The following KCNK2 variants were observed in gnomAD, a reference collection of about 807,000 sequenced individuals.
KCNK2 encodes the protein potassium channel subfamily K member 2.
KCNK2 carries 21 observed loss-of-function variants against 40.5 expected under a neutral mutation model. The ratio of observed to expected loss-of-function variants is 0.52; its 90% confidence interval spans 0.37 to 0.75. The LOEUF (loss-of-function observed/expected upper bound fraction) is 0.75. KCNK2 is among the 30% of genes least tolerant of loss of function. The pLI is 0.00. For synonymous variants in KCNK2, 191 were observed against 202.2 expected, an observed-to-expected ratio of 0.94 and a Z score of 0.47; for missense variants, 399 against 531.6, an observed-to-expected ratio of 0.75 and a Z score of 2.45.
chr1:215,065,447 C>A (rs1187576841), intron 1 of KCNK2, among the ~76,000 whole-genome samples: 2 of 152,036 alleles, frequency 1.3e-5, no homozygotes, highest in Non-Finnish European at 1.5e-5. Flanking sequence ...GCATCAAATT[C>A]ATGAATTGAG....
At chr1:215,093,659 G>A (rs1659807296) in intron 2 of KCNK2, among the ~76,000 whole-genome samples, 4 of 76,256 alleles carry the variant, frequency 5.2e-5, no homozygotes, top group African/African-American at 9.3e-5. Flanking sequence ...TAGAATATAG[G>A]ATATATATAG....
intron 3 of KCNK2, among the ~76,000 whole-genome samples, chr1:215,149,315 T>G (rs1411243042): frequency 6.6e-6 from 1 of 152,154 alleles, no homozygotes; most frequent in Non-Finnish European, 1.5e-5. Flanking sequence ...CAATTTATGT[T>G]ATTTAAACAT....
intron 2 of KCNK2, among the ~76,000 whole-genome samples, chr1:215,117,389 T>C (rs1182787945): frequency 2.6e-5 from 4 of 152,134 alleles, no homozygotes; most frequent in African/African-American, 7.2e-5. Flanking sequence ...GGGTTTTCCT[T>C]TGATAAGTAT....
At chr1:215,170,897 A>G (rs1663683633) in intron 4 of KCNK2, among the ~76,000 whole-genome samples, 1 of 152,144 alleles carries the variant, frequency 6.6e-6, no homozygotes, top group African/African-American at 2.4e-5. Flanking sequence ...AAAAAGTTCC[A>G]TGCCCTTATG....
intron 2 of KCNK2, among the ~76,000 whole-genome samples, chr1:215,123,743 T>G (rs1461836900): frequency 6.6e-6 from 1 of 152,192 alleles, no homozygotes; most frequent in Non-Finnish European, 1.5e-5. Context: ...AATATGAAGA[T>G]TAAGTAGTAA....
intron 5 of KCNK2, among the ~76,000 whole-genome samples, chr1:215,173,449 T>C (rs1241727464): frequency 1.3e-5 from 2 of 152,218 alleles, no homozygotes; most frequent in African/African-American, 4.8e-5. Flanking sequence ...TGTGTCTTTA[T>C]AGCAGCATGA....
intron 6 of KCNK2, among the ~76,000 whole-genome samples, chr1:215,230,544 C>CAT (rs1666610986): frequency 1.8e-5 from 2 of 110,292 alleles, no homozygotes; most frequent in African/African-American, 8.5e-5. Context: ...TATATATATA[C>CAT]ACACACATAA....
intron 3 of KCNK2, among the ~76,000 whole-genome samples, chr1:215,167,036 A>G (rs554503746): frequency 1.3e-5 from 2 of 152,324 alleles, no homozygotes; most frequent in Admixed American, 6.5e-5. Context: ...TGAGTTGACT[A>G]GCAATGAACA....
At chr1:215,167,203 G>T (rs761317936) in intron 3 of KCNK2, among the ~76,000 whole-genome samples, 1 of 151,800 alleles carries the variant, frequency 6.6e-6, no homozygotes, top group Non-Finnish European at 1.5e-5. Context: ...AAATAACAAT[G>T]AAATAAATAC....
intron 3 of KCNK2, among the ~76,000 whole-genome samples, chr1:215,152,642 C>T (rs1662733676): frequency 1.3e-5 from 2 of 152,070 alleles, no homozygotes; most frequent in Admixed American, 1.3e-4. Context: ...TGGTGATTGG[C>T]AAGTGGTATT....
intron 2 of KCNK2, among the ~76,000 whole-genome samples, chr1:215,120,631 T>C (rs958302073): frequency 2.6e-5 from 4 of 152,180 alleles, no homozygotes; most frequent in African/African-American, 9.6e-5. Flanking sequence ...TTTCCATGTT[T>C]ATTAACTGTG....
chr1:215,107,424 A>G (rs917337346), intron 2 of KCNK2, among the ~76,000 whole-genome samples: 1 of 152,108 alleles, frequency 6.6e-6, no homozygotes, highest in East Asian at 1.9e-4. Context: ...AGGAACTTCC[A>G]TACTATTTTC....
upstream of KCNK2, among the ~76,000 whole-genome samples, chr1:215,077,898 T>G (rs1202451459): frequency 1.3e-5 from 2 of 152,204 alleles, no homozygotes; most frequent in Admixed American, 6.5e-5. Flanking sequence ...CTTCTTCTTA[T>G]GGCTTATCAG....
chr1:215,138,693 A>C (rs1043146287), intron 3 of KCNK2, among the ~76,000 whole-genome samples: 2 of 152,192 alleles, frequency 1.3e-5, no homozygotes, highest in African/African-American at 4.8e-5. Context: ...TCAAAAAAGA[A>C]AATTATGAGT....
chr1:215,086,596 G>A lies in KCNK2; in HGVS notation c.275G>A (p.Arg92Lys). ...GAGCAGCCTCATGAGATTTCACAGA[G>A]GACCACCATTGTGATCCAGAAGCAA... ...ALEQPHEISQRTTIVIQKQTF... is the reference protein window; with the variant it reads ...ALEQPHEISQKTTIVIQKQTF... Residue 92 changes from arginine to lysine, a missense_variant, in exon 2 of 7, where the codon AGG (arginine) becomes AAG (lysine). This residue lies in a region of KCNK2 where 279 missense variants were observed against 353.8 expected (regional missense o/e 0.79). Transcript: ENST00000444842. The A allele has an allele frequency of 6.2e-7, 1 of 1,614,148 alleles. No homozygotes were observed. Among genetic ancestry groups the A allele is most frequent in the East Asian group, 2.2e-5 (1 of 44,880 alleles).
chr1:215,166,824 C>T (rs1018367757), intron 3 of KCNK2, among the ~76,000 whole-genome samples: 2 of 151,908 alleles, frequency 1.3e-5, no homozygotes, highest in African/African-American at 4.8e-5. Flanking sequence ...AGGATATGAC[C>T]AGGAATTTTC....
At chr1:215,026,290 A>G (rs1363782183) in intron 1 of KCNK2, among the ~76,000 whole-genome samples, 4 of 152,132 alleles carry the variant, frequency 2.6e-5, no homozygotes, top group East Asian at 1.9e-4. Context: ...TGTTTCCTAC[A>G]TCTACCATTT....
chr1:215,152,827 T>C (rs1005077210), intron 3 of KCNK2, among the ~76,000 whole-genome samples: 46 of 150,796 alleles, frequency 3.1e-4, no homozygotes, highest in African/African-American at 1.1e-3. Context: ...ACCTCCCACA[T>C]GTTTAGTCAG....
chr1:215,126,131 TAA>T (rs1661426519), intron 3 of KCNK2, among the ~76,000 whole-genome samples: 1 of 152,146 alleles, frequency 6.6e-6, no homozygotes, highest in Non-Finnish European at 1.5e-5. Context: ...ATCAAAGTAC[TAA>T]ATAAGAGAAC....
Sources: allele counts gnomAD v4.1 joint callset (sites outside exome capture counted in the v4.1 genomes callset), GRCh38; gene constraint gnomAD v4.1.1; regional missense constraint gnomAD v4.1.1; transcripts MANE v1.5; gene names NCBI Gene and HGNC (gene_info 2026-07-23, HGNC 2026-07-21).